NIM1K: variants seen among roughly 807,000 people sequenced by gnomAD.
NIM1K encodes serine/threonine-protein kinase NIM1.
A neutral mutation model predicts 37.1 loss-of-function variants in NIM1K; 35 were observed. That is an observed-to-expected ratio of 0.94 (90% CI 0.72 to 1.25). The LOEUF (loss-of-function observed/expected upper bound fraction) is 1.25. NIM1K is among the 50% of genes most tolerant of loss of function. The pLI is 0.00. For missense variants in NIM1K, 564 were observed against 548.0 expected, an observed-to-expected ratio of 1.03 and a Z score of -0.29; for synonymous variants, 234 against 206.6, an observed-to-expected ratio of 1.13 and a Z score of -1.14.
At chr5:43,239,732 G>T (rs1752669948) in intron 1 of NIM1K, among the ~76,000 whole-genome samples, 1 of 152,002 alleles carries the variant, frequency 6.6e-6, no homozygotes. Flanking sequence ...TCACCATGTT[G>T]GCCAGGCTGG....
At chr5:43,279,023 G>C (rs1269684438) in intron 3 of NIM1K, among the ~76,000 whole-genome samples, 1 of 152,168 alleles carries the variant, frequency 6.6e-6, no homozygotes, top group Non-Finnish European at 1.5e-5. Flanking sequence ...TAACTTGGTG[G>C]GAGAACAGAA....
chr5:43,219,958 C>G (rs1323752540), intron 1 of NIM1K, among the ~76,000 whole-genome samples: 3 of 152,190 alleles, frequency 2.0e-5, no homozygotes, highest in Non-Finnish European at 4.4e-5. Context: ...AACTCCTGAC[C>G]TCGTGATCCG....
chr5:43,266,902 C>T (rs576256351), intron 2 of NIM1K, among the ~76,000 whole-genome samples: 1 of 152,254 alleles, frequency 6.6e-6, no homozygotes, highest in African/African-American at 2.4e-5. Flanking sequence ...GAATATTGAT[C>T]TGTAGTTTTC....
At chr5:43,235,340 C>T (rs896019049) in intron 1 of NIM1K, among the ~76,000 whole-genome samples, 3 of 152,192 alleles carry the variant, frequency 2.0e-5, no homozygotes, top group Non-Finnish European at 4.4e-5. Flanking sequence ...CAATTTCATA[C>T]AAGTTCATAA....
intron 1 of NIM1K, among the ~76,000 whole-genome samples, chr5:43,244,033 G>A (rs1026396468): frequency 2.6e-5 from 4 of 152,172 alleles, no homozygotes; most frequent in Non-Finnish European, 5.9e-5. Context: ...AGAAATAGGA[G>A]CAGTACTGGG....
At chr5:43,210,646 G>A (rs78408029) in intron 1 of NIM1K, among the ~76,000 whole-genome samples, 5,830 of 152,268 alleles carry the variant, frequency 0.038, 159 homozygotes, top group Middle Eastern at 0.088. Flanking sequence ...GCATTGTCAT[G>A]TACAAAGACA....
chr5:43,214,530 A>G (rs1752269389), intron 1 of NIM1K, among the ~76,000 whole-genome samples: 1 of 152,138 alleles, frequency 6.6e-6, no homozygotes, highest in African/African-American at 2.4e-5. Flanking sequence ...AAATGTGCCC[A>G]TTTTGCCGGG....
chr5:43,232,670 G>A (rs1237818312), intron 1 of NIM1K: 4 of 1,527,640 alleles, frequency 2.6e-6, no homozygotes, highest in Admixed American at 1.9e-5. Flanking sequence ...ATGGAGAACT[G>A]CAGCTTGGAC....
chr5:43,208,254 T>TA (rs1292184679), intron 1 of NIM1K, among the ~76,000 whole-genome samples: 1 of 150,968 alleles, frequency 6.6e-6, no homozygotes, highest in Admixed American at 6.6e-5. Context: ...AAGAGAGAGT[T>TA]AAAAAAATGA....
At position 43,263,181 on chromosome 5, in the gene NIM1K, A is replaced by T. The variant is rs371469395; in HGVS notation, c.293-13876A>T. ...TATTGATTGGAATAGTTTCAGAAGG[A>T]ATGGTACCAGCTCCTTTTGTACCTC... On this transcript the variant is annotated intron_variant, in intron 2 of 3. Transcript: ENST00000326035. Among the ~76,000 whole-genome samples, 13 of 152,282 alleles carry T rather than the reference A, an allele frequency of 8.5e-5. No homozygotes were observed. In the East Asian group the frequency reaches 1.5e-3, roughly 18 times the overall value.
intron 1 of NIM1K, among the ~76,000 whole-genome samples, chr5:43,236,270 A>T (rs1206624215): frequency 6.6e-6 from 1 of 152,042 alleles, no homozygotes; most frequent in Admixed American, 6.6e-5. Context: ...GTGTCAAACA[A>T]AAAACAAAAC....
chr5:43,247,731 C>T (rs1249703433), intron 2 of NIM1K, among the ~76,000 whole-genome samples: 2 of 152,188 alleles, frequency 1.3e-5, no homozygotes, highest in African/African-American at 4.8e-5. Flanking sequence ...CTGCAGACAG[C>T]TTTTAAAATA....
At chr5:43,205,163 C>A (rs575463452) in intron 1 of NIM1K, among the ~76,000 whole-genome samples, 2 of 152,216 alleles carry the variant, frequency 1.3e-5, no homozygotes, top group East Asian at 3.8e-4. Flanking sequence ...TTCCACTGCA[C>A]ACCAGAGGGA....
intron 2 of NIM1K, among the ~76,000 whole-genome samples, chr5:43,263,072 T>C (rs1753061100): frequency 6.6e-6 from 1 of 152,130 alleles, no homozygotes; most frequent in South Asian, 2.1e-4. Context: ...GAAAATTCTC[T>C]TTTTTTGTTG....
At chr5:43,258,712 G>A (rs1461757346) in intron 2 of NIM1K, among the ~76,000 whole-genome samples, 1 of 152,110 alleles carries the variant, frequency 6.6e-6, no homozygotes, top group African/African-American at 2.4e-5. Context: ...CAGAGTGTTG[G>A]TATTACAGAT....
intron 1 of NIM1K, among the ~76,000 whole-genome samples, chr5:43,198,068 T>C (rs544682546): frequency 3.8e-4 from 58 of 152,172 alleles, no homozygotes; most frequent in African/African-American, 1.4e-3. Context: ...ACATAATCTA[T>C]TTCTTTTCTT....
chr5:43,206,159 G>A (rs1372358030), intron 1 of NIM1K, among the ~76,000 whole-genome samples: 2 of 152,138 alleles, frequency 1.3e-5, no homozygotes, highest in African/African-American at 4.8e-5. Context: ...ATACTCTGTC[G>A]GTTCAAAGTG....
rs772350035 is a variant in NIM1K at position 43,280,326 on chromosome 5, G to A, written c.908G>A (p.Arg303Gln). 1.4e-5 allele frequency: 23 copies of A among 1,614,044 alleles called. No individual in the cohort carries two copies. Among genetic ancestry groups the A allele is most frequent in the Admixed American group, 1.7e-5 (1 of 60,008 alleles). The change falls in exon 4 of 4, where the codon CGA becomes CAA. Residue 303 changes from arginine (R) to glutamine (Q), a missense_variant. Physicochemically the swap from Arg to Gln is conservative, Grantham distance 43. Coordinates refer to ENST00000326035, the MANE Select transcript of NIM1K (RefSeq NM_153361.4). ...HVSEPCHRLI[R>Q]GVLQQIPTER... is the part of the protein sequence containing the mutation. ...TCAGAGCCCTGCCACCGACTCATCCGAGGAGTCCTTCAGCAGATCCCCACG... is the reference window on the plus strand; with the variant it reads ...TCAGAGCCCTGCCACCGACTCATCCAAGGAGTCCTTCAGCAGATCCCCACG...
intron 1 of NIM1K, among the ~76,000 whole-genome samples, chr5:43,195,328 A>G (rs1016509133): frequency 2.6e-5 from 4 of 152,218 alleles, no homozygotes; most frequent in Admixed American, 1.3e-4. Context: ...CCTGAGGAAT[A>G]TTAATCAGTT....
Sources: allele counts gnomAD v4.1 joint callset (sites outside exome capture counted in the v4.1 genomes callset), GRCh38; gene constraint gnomAD v4.1.1; transcripts MANE v1.5; gene names NCBI Gene and HGNC (gene_info 2026-07-23, HGNC 2026-07-21).